Variants in EXOC6B observed in about 807,000 individuals in gnomAD.
The protein encoded by EXOC6B is exocyst complex component 6B.
A neutral mutation model predicts 113.5 loss-of-function variants in EXOC6B; 54 were observed. The ratio of observed to expected loss-of-function variants is 0.48; its 90% CI spans 0.38 to 0.60. The LOEUF is 0.60. Among genes scored for constraint, EXOC6B ranks in the 20% least tolerant of loss-of-function variants. EXOC6B has a pLI of 0.00. For synonymous variants in EXOC6B, 357 were observed against 339.0 expected, an observed-to-expected ratio of 1.05 and a Z score of -0.58; for missense variants, 797 against 977.5, an observed-to-expected ratio of 0.82 and a Z score of 2.46.
chr2:72,397,317 CT>C (rs1366533894), intron 18 of EXOC6B, among the ~76,000 whole-genome samples: 33 of 152,090 alleles, frequency 2.2e-4, no homozygotes, highest in Non-Finnish European at 3.7e-4. Context: ...TGGAATTCTT[CT>C]TATGTAAGAA....
At chr2:72,540,257 C>A (rs543717859) in intron 8 of EXOC6B, among the ~76,000 whole-genome samples, 4 of 152,064 alleles carry the variant, frequency 2.6e-5, no homozygotes, top group Non-Finnish European at 5.9e-5. Flanking sequence ...AATAAACATA[C>A]GTGTGCATGT....
intron 6 of EXOC6B, among the ~76,000 whole-genome samples, chr2:72,596,559 TACATAAAGGAAGAAAA>T (rs369415352): frequency 1.7e-4 from 26 of 151,966 alleles, no homozygotes; most frequent in African/African-American, 4.8e-4. Context: ...CTTCCTTTCT[TACATAAAGGAAGAAAA>T]ACATAAAGGA....
chr2:72,403,045 T>C (rs1242275702), intron 18 of EXOC6B, among the ~76,000 whole-genome samples: 1 of 152,110 alleles, frequency 6.6e-6, no homozygotes, highest in African/African-American at 2.4e-5. Flanking sequence ...TGGATCTCTG[T>C]TGGGAGATTT....
chr2:72,743,855 C>G (rs987143205), intron 1 of EXOC6B, among the ~76,000 whole-genome samples: 8 of 152,154 alleles, frequency 5.3e-5, no homozygotes, highest in Non-Finnish European at 1.0e-4. Context: ...CCACACCCCC[C>G]ACAGGAGGTC....
chr2:72,214,407 C>T (rs1046739646), intron 20 of EXOC6B, among the ~76,000 whole-genome samples: 14 of 150,758 alleles, frequency 9.3e-5, no homozygotes, highest in African/African-American at 2.7e-4. Flanking sequence ...AGGAGAATGG[C>T]GTGAACCTGG....
At chr2:72,752,584 T>TTCCC (rs532004912) in intron 1 of EXOC6B, among the ~76,000 whole-genome samples, 314 of 148,334 alleles carry the variant, frequency 2.1e-3, no homozygotes, top group Non-Finnish European at 3.7e-3. Context: ...TCCTTCCCTC[T>TTCCC]TCCCTCCCTC....
At chr2:72,514,315 G>C (rs915700966) in intron 10 of EXOC6B, among the ~76,000 whole-genome samples, 5 of 151,566 alleles carry the variant, frequency 3.3e-5, no homozygotes, top group African/African-American at 1.2e-4. Context: ...CTGATTATTT[G>C]GTTCCATTTA....
At chr2:72,634,377 A>C (rs936867211) in intron 6 of EXOC6B, among the ~76,000 whole-genome samples, 1 of 152,226 alleles carries the variant, frequency 6.6e-6, no homozygotes, top group Admixed American at 6.5e-5. Flanking sequence ...AAAATACTGC[A>C]GCCCCATCAT....
intron 6 of EXOC6B, among the ~76,000 whole-genome samples, chr2:72,634,758 T>A (rs916807789): frequency 7.9e-5 from 12 of 152,198 alleles, no homozygotes; most frequent in African/African-American, 2.9e-4. Flanking sequence ...TTAATCAAAC[T>A]GCTGAAGTTT....
chr2:72,578,231 C>T (rs1385340715), intron 6 of EXOC6B, among the ~76,000 whole-genome samples: 1 of 152,040 alleles, frequency 6.6e-6, no homozygotes, highest in Non-Finnish European at 1.5e-5. Context: ...TCTTCTTAAA[C>T]CACATTTGTT....
chr2:72,787,366 T>G (rs992627845), intron 1 of EXOC6B, among the ~76,000 whole-genome samples: 51 of 151,858 alleles, frequency 3.4e-4, no homozygotes, highest in African/African-American at 1.2e-3. Context: ...CATGTGCCAC[T>G]TTTGTATTTT....
At chr2:72,479,911 T>C (rs1179498142) in intron 17 of EXOC6B, among the ~76,000 whole-genome samples, 3 of 152,026 alleles carry the variant, frequency 2.0e-5, no homozygotes, top group Non-Finnish European at 4.4e-5. Context: ...GATTAAAAAA[T>C]TGATCACAGG....
chr2:72,722,546 T>C (rs1044078056), intron 5 of EXOC6B, among the ~76,000 whole-genome samples: 2 of 152,148 alleles, frequency 1.3e-5, no homozygotes, highest in African/African-American at 4.8e-5. Context: ...GGAAGAAAGT[T>C]TTATTCCCCC....
intron 19 of EXOC6B, among the ~76,000 whole-genome samples, chr2:72,373,214 C>T (rs1296675122): frequency 6.6e-6 from 1 of 151,744 alleles, no homozygotes; most frequent in East Asian, 2.0e-4. Flanking sequence ...GATTACATGG[C>T]CAGCTAATTT....
chr2:72,542,428 T>C (rs897372875), intron 8 of EXOC6B, among the ~76,000 whole-genome samples: 1 of 152,238 alleles, frequency 6.6e-6, no homozygotes, highest in Non-Finnish European at 1.5e-5. Context: ...CTCTGGAGTT[T>C]CTAGCATTTC....
intron 20 of EXOC6B, among the ~76,000 whole-genome samples, chr2:72,277,577 C>T (rs1024916097): frequency 2.6e-5 from 4 of 151,918 alleles, no homozygotes; most frequent in East Asian, 1.9e-4. Flanking sequence ...CTGCAACCTT[C>T]GCCTCCTGGG....
At chr2:72,607,854 A>T (rs373034981) in intron 6 of EXOC6B, among the ~76,000 whole-genome samples, 2 of 152,140 alleles carry the variant, frequency 1.3e-5, no homozygotes, top group Non-Finnish European at 2.9e-5. Context: ...ATAATCATTT[A>T]AGTGACAAAA....
chr2:72,567,237 T>C (rs1324602254), intron 7 of EXOC6B, among the ~76,000 whole-genome samples: 1 of 152,078 alleles, frequency 6.6e-6, no homozygotes, highest in African/African-American at 2.4e-5. Flanking sequence ...CCAAAAGCGT[T>C]TGAACATAGT....
intron 1 of EXOC6B, among the ~76,000 whole-genome samples, chr2:72,815,398 A>G (rs1686174367): frequency 6.6e-6 from 1 of 151,592 alleles, no homozygotes; most frequent in African/African-American, 2.4e-5. Context: ...GGCTAAGGTG[A>G]GAGGATCGCT....
Sources: gnomAD v4.1 joint callset for allele counts (sites outside exome capture counted in the v4.1 genomes callset) on GRCh38, gnomAD v4.1.1 for gene constraint, MANE v1.5 for transcripts, NCBI Gene and HGNC (gene_info 2026-07-23, HGNC 2026-07-21) for gene names.